GOLGB1: variants seen among roughly 807,000 people sequenced by gnomAD.
GOLGB1 encodes golgin B1, also known as golgin subfamily B member 1.
In GOLGB1, 174 loss-of-function variants were observed where a neutral mutation model predicts 336.9. The observed-to-expected ratio is 0.52, with a 90% CI of 0.46 to 0.59. The LOEUF (loss-of-function observed/expected upper bound fraction) is 0.59, where lower values mean the gene tolerates loss of function less well. GOLGB1 is among the 20% of genes least tolerant of loss of function. GOLGB1 has a pLI of 0.00. For missense variants in GOLGB1, 3,331 were observed against 3,645.3 expected (o/e 0.91, Z 2.22); for synonymous variants, 1,208 against 1,289.2 (o/e 0.94, Z 1.35).
chr3:121,739,014 C>T (rs1477539570), intron 1 of GOLGB1, among the ~76,000 whole-genome samples: 1 of 152,120 alleles, frequency 6.6e-6, no homozygotes, highest in Non-Finnish European at 1.5e-5. Context: ...GTAATCCTAG[C>T]ACTTTGGGAG....
At chr3:121,669,564 G>GT (rs1216208302) in intron 17 of GOLGB1, among the ~76,000 whole-genome samples, 4 of 152,112 alleles carry the variant, frequency 2.6e-5, no homozygotes, top group South Asian at 2.1e-4. Flanking sequence ...TAGCAGAAAG[G>GT]TTTTTTTGTT....
rs528665482 is a variant in GOLGB1 at position 121,713,942 on chromosome 3, A to G, written c.1404+919T>C. On this transcript the variant is annotated intron_variant, in intron 10 of 21. Coordinates refer to ENST00000614479, the MANE Select transcript of GOLGB1 (RefSeq NM_001366282.2). ...CAGAGGGATGAATAAATAGATAGAC[A>G]TTTGATAAAGCAAACGTGCTAAAAT... is the stretch of plus-strand genomic sequence containing the variant. Among the ~76,000 whole-genome samples, 9 of 152,360 alleles carry G rather than the reference A, an allele frequency of 5.9e-5. No individual in the cohort carries two copies. The South Asian group carries it at 1.9e-3, about 32-fold the overall frequency.
At chr3:121,675,695 G>A (rs574530372) in intron 17 of GOLGB1, among the ~76,000 whole-genome samples, 24 of 152,196 alleles carry the variant, frequency 1.6e-4, no homozygotes, top group Non-Finnish European at 3.1e-4. Flanking sequence ...TTCACTTTGT[G>A]AAAATATATC....
At chr3:121,702,937 C>A (rs973446608) in intron 10 of GOLGB1, among the ~76,000 whole-genome samples, 1 of 152,060 alleles carries the variant, frequency 6.6e-6, no homozygotes, top group Non-Finnish European at 1.5e-5. Flanking sequence ...ATTAATGTCA[C>A]CAAGTAACAT....
At position 121,695,871 on chromosome 3, in the gene GOLGB1, T is replaced by C. The variant is rs1344847324; in HGVS notation, c.4652A>G (p.Glu1551Gly). 1 of 1,613,944 alleles carries C rather than the reference T, an allele frequency of 6.2e-7. No homozygotes were observed. The highest frequency in any genetic ancestry group is 1.1e-5 in the South Asian group (1 of 91,076). The change falls in exon 13 of 22, where the codon GAA (glutamate) becomes GGA (glycine). Residue 1551 changes from glutamate (E) to glycine (G), a missense_variant. Transcript: ENST00000614479. Reference protein sequence around the residue: ...TVLGRLALLQEERDKLITEMD... With the variant: ...TVLGRLALLQGERDKLITEMD... Reference sequence around the variant, plus strand: ...TTCTGTAATGAGTTTGTCTCTTTCTTCTTGAAGAAGAGCTAACCTTCCTAA... The same window carrying C: ...TTCTGTAATGAGTTTGTCTCTTTCTCCTTGAAGAAGAGCTAACCTTCCTAA...
At chr3:121,743,122 C>A (rs1371454156) in intron 1 of GOLGB1, among the ~76,000 whole-genome samples, 3 of 152,174 alleles carry the variant, frequency 2.0e-5, no homozygotes, top group Non-Finnish European at 4.4e-5. Context: ...TGGGTATATA[C>A]CCAAAGGATT....
At chr3:121,712,477 G>A (rs1354786132) in intron 10 of GOLGB1, among the ~76,000 whole-genome samples, 2 of 151,896 alleles carry the variant, frequency 1.3e-5, no homozygotes, top group Non-Finnish European at 2.9e-5. Context: ...ATTTAAAAGT[G>A]TGTGCTAATG....
chr3:121,746,931 T>A (rs1322427276), intron 1 of GOLGB1, among the ~76,000 whole-genome samples: 1 of 151,724 alleles, frequency 6.6e-6, no homozygotes, highest in Non-Finnish European at 1.5e-5. Flanking sequence ...ACACAGAAAA[T>A]ATTTTATTTT....
At chr3:121,709,137 T>C (rs1944134901) in intron 10 of GOLGB1, among the ~76,000 whole-genome samples, 1 of 152,298 alleles carries the variant, frequency 6.6e-6, no homozygotes, top group Non-Finnish European at 1.5e-5. Flanking sequence ...AGGAACACTT[T>C]ATCTGAAAAA....
intron 11 of GOLGB1, among the ~76,000 whole-genome samples, chr3:121,700,139 G>C (rs989345161): frequency 6.6e-6 from 1 of 152,030 alleles, no homozygotes; most frequent in Admixed American, 6.6e-5. Context: ...GAAAGGAGAA[G>C]GATGCCAGGA....
chr3:121,714,826 C>T (rs1560279787), intron 10 of GOLGB1, 35 bp downstream of exon 10: 1 of 1,230,372 alleles, frequency 8.1e-7, no homozygotes. Flanking sequence ...CAAAGACAAA[C>T]AGTTAATATT....
chr3:121,719,072 T>C (rs1178431343), intron 7 of GOLGB1, among the ~76,000 whole-genome samples: 2 of 152,222 alleles, frequency 1.3e-5, no homozygotes, highest in African/African-American at 4.8e-5. Context: ...CTAATTAATT[T>C]TCAATCTAAT....
At chr3:121,685,470 G>A (rs1272554862) in intron 14 of GOLGB1, among the ~76,000 whole-genome samples, 1 of 152,054 alleles carries the variant, frequency 6.6e-6, no homozygotes, top group South Asian at 2.1e-4. Flanking sequence ...GGGAGGTGGA[G>A]GGTGCAGTGA....
At chr3:121,741,312 G>A (rs1368850529) in intron 1 of GOLGB1, among the ~76,000 whole-genome samples, 1 of 152,064 alleles carries the variant, frequency 6.6e-6, no homozygotes. Flanking sequence ...TTAAGACTAA[G>A]TAAAGACTGG....
chr3:121,727,532 G>C (rs1487564566), intron 4 of GOLGB1, among the ~76,000 whole-genome samples: 3 of 151,406 alleles, frequency 2.0e-5, no homozygotes, highest in Non-Finnish European at 2.9e-5. Context: ...TGCCATGCAG[G>C]ACTAAACCTT....
rs1455954998 is a variant in GOLGB1, at chr3:121,691,663, A to G, written c.7701T>C (p.Asn2567=). The change falls in exon 14 of 22, where the codon AAT becomes AAC. Residue 2567 remains asparagine, a synonymous_variant. Coordinates refer to ENST00000614479, the MANE Select transcript of GOLGB1 (RefSeq NM_001366282.2). ...TAGCATATTTATTTTCCAGCTCCTT[A>G]TTTTGCTGAAGTTGAACTTCAAGAA... ...KQLLEVQLQQ[N]KELENKYAKL... is the part of the protein sequence containing the mutation. 1.2e-6 allele frequency: 2 copies of G among 1,611,180 alleles called. No individual in the cohort carries two copies. Among genetic ancestry groups the G allele is most frequent in the South Asian group, 1.1e-5 (1 of 90,282 alleles).
Position 121,725,509 on chromosome 3 carries a change from G to C in GOLGB1, c.531+1404C>G, listed in dbSNP as rs560432446. Among the ~76,000 whole-genome samples the C allele has an allele frequency of 2.6e-5, 4 of 152,272 alleles. No individual in the cohort carries two copies. The South Asian group carries it at 8.3e-4, about 32-fold the overall frequency. On this transcript the variant is annotated intron_variant, in intron 5 of 21. Coordinates refer to ENST00000614479, the MANE Select transcript of GOLGB1 (RefSeq NM_001366282.2). ...CTTGTCCTACCATTGTATCTTGGAG[G>C]AAGATAATGTGTTTTTATTTCACAG...
chr3:121,705,652 A>G (rs1378920217), intron 10 of GOLGB1, among the ~76,000 whole-genome samples: 1 of 152,178 alleles, frequency 6.6e-6, no homozygotes. Flanking sequence ...AGATGGGAAA[A>G]AGTCACGTAA....
intron 1 of GOLGB1, among the ~76,000 whole-genome samples, chr3:121,736,641 G>T (rs544080367): frequency 6.6e-6 from 1 of 152,180 alleles, no homozygotes; most frequent in Non-Finnish European, 1.5e-5. Flanking sequence ...AGTGTCTCAC[G>T]CCTGTAATCC....
Sources: allele counts gnomAD v4.1 joint callset (sites outside exome capture counted in the v4.1 genomes callset), GRCh38; gene constraint gnomAD v4.1.1; transcripts MANE v1.5; gene names NCBI Gene and HGNC (gene_info 2026-07-23, HGNC 2026-07-21).